Variants in SYNE2 observed in about 807,000 individuals in gnomAD.
SYNE2 encodes spectrin repeat containing nuclear envelope protein 2, also known as nesprin-2.
SYNE2 carries 431 observed loss-of-function variants against 856.3 expected under a neutral mutation model. The ratio of observed to expected loss-of-function variants is 0.50; its 90% CI spans 0.47 to 0.55. The LOEUF is 0.55. Among genes scored for constraint, SYNE2 ranks in the 20% least tolerant of loss-of-function variants. SYNE2 has a pLI of 0.00. For missense variants in SYNE2, 8,129 were observed against 8,023.2 expected, an observed-to-expected ratio of 1.01 and a Z score of -0.50; for synonymous variants, 2,923 against 2,872.3, an observed-to-expected ratio of 1.02 and a Z score of -0.56.
intron 99 of SYNE2, among the ~76,000 whole-genome samples, chr14:64,198,587 C>G (rs1320710384): frequency 6.6e-6 from 1 of 152,180 alleles, no homozygotes; most frequent in Non-Finnish European, 1.5e-5. Flanking sequence ...TAAATCCTGG[C>G]TGGATGAGTG....
At position 64,016,512 on chromosome 14, in the gene SYNE2, G is replaced by T. The variant is rs1018808319; in HGVS notation, c.4768G>T (p.Val1590Phe). Residue 1590 changes from valine to phenylalanine, a missense_variant, in exon 33 of 116, where the codon GTT becomes TTT. Val to Phe is a conservative substitution (Grantham distance 50). Transcript: ENST00000555002. ...VKEEFNEHLE[V>F]VDKINQVCKN... ...AGAAGAATTTAATGAGCATTTAGAAGTTGTAGACAAGATAAACCAGGTCTG... is the reference window on the plus strand; with the variant it reads ...AGAAGAATTTAATGAGCATTTAGAATTTGTAGACAAGATAAACCAGGTCTG... 1.9e-6 allele frequency: 3 copies of T among 1,599,674 alleles called. No individual in the cohort carries two copies. Among genetic ancestry groups the T allele is most frequent in the Admixed American group, 1.7e-5 (1 of 58,730 alleles).
At chr14:64,180,505 CTT>C (rs111332955) in intron 96 of SYNE2, among the ~76,000 whole-genome samples, 21 of 142,558 alleles carry the variant, frequency 1.5e-4, no homozygotes, top group East Asian at 2.0e-4. Context: ...TGGTTTATAA[CTT>C]TTTTTTTTTT....
In SYNE2 at chr14:64,002,709, C is replaced by G. The variant is rs1236319820; in HGVS notation, c.3787-11C>G. The G allele has an allele frequency of 6.2e-7, 1 of 1,610,360 alleles. No homozygotes were observed. Among genetic ancestry groups the G allele is most frequent in the Non-Finnish European group, 8.5e-7 (1 of 1,179,424 alleles). On this transcript the variant is annotated splice_polypyrimidine_tract_variant and intron_variant, in intron 29 of 115. Transcript: ENST00000555002. ...ACCTCAGTGTTTTAGCTTTTCTTAT[C>G]TTTATTTTAGAATATCCAAGATTCC...
intron 90 of SYNE2, 80 bp downstream of exon 90, chr14:64,165,490 T>G: frequency 6.8e-7 from 1 of 1,479,386 alleles, no homozygotes; most frequent in South Asian, 1.2e-5. Flanking sequence ...TGTGAACTTA[T>G]GGAATGCTTG....
chr14:64,210,097 G>T lies in SYNE2; in HGVS notation c.18696G>T (p.Arg6232=). The change falls in exon 103 of 116, where the codon CGG becomes CGT. Residue 6232 remains arginine (R), a synonymous_variant. Transcript: ENST00000555002. The part of the protein sequence containing the change: ...GNQRWDNLQR[R]VTAVLRRLRH... ...AGCGCTGGGACAACCTTCAGAGGCG[G>T]GTCACAGCCGTCCTGCGGAGACTCA... 5 of 1,613,958 alleles carry T rather than the reference G, an allele frequency of 3.1e-6. No individual in the cohort carries two copies. Among genetic ancestry groups the T allele is most frequent in the Non-Finnish European group, 3.4e-6 (4 of 1,179,940 alleles).
In SYNE2 at chr14:63,977,804, T is replaced by G. The variant is rs1432580954; in HGVS notation, c.1294-101T>G. The G allele has an allele frequency of 6.4e-6, 5 of 784,276 alleles. No homozygotes were observed. In the Admixed American group the frequency reaches 1.0e-4, roughly 16 times the overall value. The allele number at this position is 784,276 out of a possible 1,614,324, so 48.6% of individuals were successfully genotyped here. On this transcript the variant is annotated intron_variant, in intron 12 of 115. Coordinates refer to ENST00000555002, the MANE Select transcript of SYNE2 (RefSeq NM_182914.3). ...GTGGGTTGTGGGGAGGGTTTTATGA[T>G]TTTTTTTTGAAAAAAGATGTAATGC...
chr14:63,945,102 GCC>G (rs1426899752), intron 6 of SYNE2, among the ~76,000 whole-genome samples: 6 of 87,118 alleles, frequency 6.9e-5, no homozygotes, highest in Admixed American at 1.4e-4. Flanking sequence ...ACCACACCTG[GCC>G]TTTTTTTTTT....
intron 1 of SYNE2, among the ~76,000 whole-genome samples, chr14:63,879,125 T>C (rs957489237): frequency 6.6e-6 from 1 of 152,188 alleles, no homozygotes; most frequent in East Asian, 1.9e-4. Context: ...CCAAGAAGAC[T>C]GTAATGGGAG....
chr14:63,784,625 G>T (rs571580960), intron 1 of SYNE2, among the ~76,000 whole-genome samples: 1 of 152,082 alleles, frequency 6.6e-6, no homozygotes, highest in Non-Finnish European at 1.5e-5. Context: ...CTCCCAAAGT[G>T]CTGGGATTAC....
intron 65 of SYNE2, among the ~76,000 whole-genome samples, chr14:64,112,573 A>G (rs922915407): frequency 2.6e-5 from 4 of 152,212 alleles, no homozygotes; most frequent in African/African-American, 9.6e-5. Context: ...AAATTTTCCA[A>G]TCAGTTGATA....
chr14:64,017,843 T>A (rs985947855), intron 34 of SYNE2, 87 bp downstream of exon 34: 1 of 1,307,112 alleles, frequency 7.7e-7, no homozygotes. Context: ...AACATTAGGA[T>A]GCTCATATGT....
At position 64,024,547 on chromosome 14, in the gene SYNE2, C is replaced by T. The variant is rs113416644; in HGVS notation, c.5840+88C>T. ...CCTCAGCGCAGAGAGCACTGGGATACGCAGTACACACAAATTTCACACACA... is the reference window on the plus strand; with the variant it reads ...CCTCAGCGCAGAGAGCACTGGGATATGCAGTACACACAAATTTCACACACA... On this transcript the variant is annotated intron_variant, in intron 39 of 115. Transcript: ENST00000555002. 74 of 1,251,904 alleles carry T rather than the reference C, an allele frequency of 5.9e-5. 1 individual carries two copies. Among genetic ancestry groups the T allele is most frequent in the African/African-American group, 3.0e-4 (20 of 67,278 alleles). The allele number at this position is 1,251,904 out of a possible 1,614,324, so 77.5% of individuals were successfully genotyped here.
intron 45 of SYNE2, among the ~76,000 whole-genome samples, chr14:64,043,989 C>G (rs1334331570): frequency 6.6e-6 from 1 of 152,206 alleles, no homozygotes; most frequent in Non-Finnish European, 1.5e-5. Flanking sequence ...TCCTGAGTAG[C>G]TGGGACTACA....
chr14:64,032,880 T>C (rs1170866140), intron 45 of SYNE2, among the ~76,000 whole-genome samples: 1 of 152,176 alleles, frequency 6.6e-6, no homozygotes, highest in Non-Finnish European at 1.5e-5. Flanking sequence ...TAAATAGCAA[T>C]AGATAATCAA....
rs551584027 is a variant in SYNE2 at position 64,173,836 on chromosome 14, A to G, written c.17236-1108A>G. ...AAACCAAATGCCTTTGGGAGTATGG[A>G]TCAATTTTAAAGTTTTTACTTTATT... On this transcript the variant is annotated intron_variant, in intron 94 of 115. Coordinates refer to ENST00000555002, the MANE Select transcript of SYNE2 (RefSeq NM_182914.3). 50 of 602,244 alleles carry G rather than the reference A, an allele frequency of 8.3e-5. 2 individuals carry two copies. In the South Asian group the frequency reaches 9.9e-4, roughly 12 times the overall value. The allele number at this position is 602,244 out of a possible 1,614,324, so 37.3% of individuals were successfully genotyped here.
intron 30 of SYNE2, 80 bp from the exon 31 acceptor site, chr14:64,006,963 G>A (rs1273210944): frequency 9.8e-6 from 11 of 1,118,730 alleles, no homozygotes; most frequent in Non-Finnish European, 1.5e-5. Flanking sequence ...AAGTTAGTGT[G>A]CCTCCCCAAG....
At chr14:64,174,059 G>T in intron 94 of SYNE2, 1 of 538,484 alleles carries the variant, frequency 1.9e-6, no homozygotes, top group South Asian at 2.4e-5. Context: ...ACAAGACCTT[G>T]TCTCTTAAAT....
At chr14:64,154,329 T>C (rs2098268810) in intron 85 of SYNE2, among the ~76,000 whole-genome samples, 1 of 151,986 alleles carries the variant, frequency 6.6e-6, no homozygotes, top group Non-Finnish European at 1.5e-5. Context: ...TTGGACTTCA[T>C]CAAAACTAAA....
chr14:64,089,337 G>A (rs1307018755), intron 58 of SYNE2, among the ~76,000 whole-genome samples: 1 of 116,718 alleles, frequency 8.6e-6, no homozygotes. Context: ...TTGCACTCCA[G>A]CCTGGGCAAC....
Sources: allele counts gnomAD v4.1 joint callset (sites outside exome capture counted in the v4.1 genomes callset), GRCh38; gene constraint gnomAD v4.1.1; transcripts MANE v1.5; gene names NCBI Gene and HGNC (gene_info 2026-07-23, HGNC 2026-07-21).